Variants in GLIS1 observed in about 807,000 individuals in gnomAD.
GLIS1 encodes the protein zinc finger protein GLIS1.
Under a neutral mutation model 63.8 loss-of-function variants are expected in GLIS1, and 24 were observed. That is an observed-to-expected ratio of 0.38 (90% CI 0.27 to 0.53). The LOEUF (loss-of-function observed/expected upper bound fraction) is 0.53. Ranked by LOEUF, GLIS1 falls within the 20% of genes least tolerant of loss-of-function variation. The probability of loss-of-function intolerance (pLI) is 0.85; values close to 1 mark genes in which losing one functional copy is unlikely to be tolerated. For missense variants in GLIS1, 1,036 were observed against 1,074.1 expected, an observed-to-expected ratio of 0.96 and a Z score of 0.50; for synonymous variants, 450 against 482.5, an observed-to-expected ratio of 0.93 and a Z score of 0.88.
At chr1:53,725,466 G>A (rs892250246) in intron 2 of GLIS1, among the ~76,000 whole-genome samples, 1 of 152,186 alleles carries the variant, frequency 6.6e-6, no homozygotes, top group Non-Finnish European at 1.5e-5. Flanking sequence ...ACTGTCTGAG[G>A]TCATGAGGCT....
intron 2 of GLIS1, among the ~76,000 whole-genome samples, chr1:53,688,328 T>C (rs1453108226): frequency 6.6e-6 from 1 of 152,220 alleles, no homozygotes; most frequent in East Asian, 1.9e-4. Flanking sequence ...CTGAGCACTT[T>C]GCAGGGTAGA....
intron 2 of GLIS1, among the ~76,000 whole-genome samples, chr1:53,661,380 C>A (rs1360834456): frequency 6.6e-6 from 1 of 152,184 alleles, no homozygotes; most frequent in East Asian, 1.9e-4. Context: ...GGGCCCATCA[C>A]ACGGCTTATT....
Position 53,514,797 on chromosome 1 carries a change from C to T in GLIS1, c.1727-16G>A. ...GGATACACACCTGCAGGGAATCAAA[C>T]AAGGCTCACTGGACTCTGGCCACTC... On this transcript the variant is annotated splice_polypyrimidine_tract_variant and intron_variant, in intron 7 of 10. Transcript: ENST00000628545. The T allele has an allele frequency of 6.4e-7, 1 of 1,567,268 alleles. No individual in the cohort carries two copies.
chr1:53,534,275 C>T (rs1644560652), intron 4 of GLIS1, among the ~76,000 whole-genome samples: 1 of 152,016 alleles, frequency 6.6e-6, no homozygotes, highest in Non-Finnish European at 1.5e-5. Flanking sequence ...GAGGACTTAC[C>T]TTCAGGTAAT....
chr1:53,693,795 C>T (rs991461399), intron 2 of GLIS1, among the ~76,000 whole-genome samples: 1 of 152,218 alleles, frequency 6.6e-6, no homozygotes, highest in Non-Finnish European at 1.5e-5. Context: ...AGCCTCAGTG[C>T]CCCCACCTGG....
intron 4 of GLIS1, among the ~76,000 whole-genome samples, chr1:53,573,521 A>G (rs551854032): frequency 1.3e-5 from 2 of 152,332 alleles, no homozygotes; most frequent in African/African-American, 4.8e-5. Context: ...ACACACACAG[A>G]GATGTGCAGA....
chr1:53,730,110 G>A (rs561169898), intron 2 of GLIS1, among the ~76,000 whole-genome samples: 2 of 152,190 alleles, frequency 1.3e-5, no homozygotes, highest in Non-Finnish European at 2.9e-5. Context: ...CGAAAACGGT[G>A]TCAAAATCAG....
Position 53,589,420 on chromosome 1 carries a change from G to A in GLIS1, c.1320+4688C>T, listed in dbSNP as rs1005368836. ...TCAGGGGCTGGCGGAGGGGGGTAAAGGTTTGGGGCAAGGCAAAAGGGAAAG... is the reference window on the plus strand; with the variant it reads ...TCAGGGGCTGGCGGAGGGGGGTAAAAGTTTGGGGCAAGGCAAAAGGGAAAG... On this transcript the variant is annotated intron_variant, in intron 4 of 10. Transcript: ENST00000628545. Among the ~76,000 whole-genome samples the A allele has an allele frequency of 7.4e-4, 113 of 152,336 alleles. 1 individual carries two copies. The highest frequency in any genetic ancestry group is 2.7e-3 in the African/African-American group (112 of 41,584).
At chr1:53,524,733 C>A in intron 6 of GLIS1, 44 bp downstream of exon 6, 1 of 1,418,514 alleles carries the variant, frequency 7.0e-7, no homozygotes, top group Non-Finnish European at 9.9e-7. Flanking sequence ...GCGGTGCAGG[C>A]GGCTGCGAGG....
intron 2 of GLIS1, among the ~76,000 whole-genome samples, chr1:53,694,005 C>A (rs1000464903): frequency 6.6e-6 from 1 of 152,046 alleles, no homozygotes; most frequent in African/African-American, 2.4e-5. Flanking sequence ...ACTGGGCTCA[C>A]GAAGAGGAGG....
At chr1:53,622,777 C>T (rs59789334) in intron 2 of GLIS1, among the ~76,000 whole-genome samples, 6,059 of 152,252 alleles carry the variant, frequency 0.04, 269 homozygotes, top group African/African-American at 0.11. Context: ...AAGGCCCTGC[C>T]GACACCTTGA....
intron 2 of GLIS1, among the ~76,000 whole-genome samples, chr1:53,603,515 T>C (rs367956461): frequency 2.6e-5 from 4 of 152,204 alleles, no homozygotes; most frequent in African/African-American, 7.2e-5. Context: ...TCGCTACCCA[T>C]CACGGTCCCA....
At chr1:53,522,315 G>T (rs1415381387) in intron 6 of GLIS1, among the ~76,000 whole-genome samples, 1 of 152,256 alleles carries the variant, frequency 6.6e-6, no homozygotes, top group Non-Finnish European at 1.5e-5. Flanking sequence ...CTTATTGTTG[G>T]GAAGTTTGCA....
At position 53,714,223 on chromosome 1, in the gene GLIS1, T is replaced by C. The variant is rs531584978; in HGVS notation, c.259+23583A>G. ...CAACAAGTCATTCATCTTCTGAGTC[T>C]CAGCTCCTTCAGCTGCAAAATTACC... is the stretch of plus-strand genomic sequence containing the variant. On this transcript the variant is annotated intron_variant, in intron 2 of 10. Transcript: ENST00000628545. 5.9e-5 allele frequency among the ~76,000 whole-genome samples: 9 copies of C among 152,326 alleles called. No individual in the cohort carries two copies. In the South Asian group the frequency reaches 1.9e-3, roughly 32 times the overall value.
At chr1:53,601,495 T>A (rs891309332) in intron 2 of GLIS1, among the ~76,000 whole-genome samples, 1 of 152,096 alleles carries the variant, frequency 6.6e-6, no homozygotes, top group African/African-American at 2.4e-5. Context: ...CTCCTTACCA[T>A]GAGGAAAAGG....
chr1:53,568,490 T>A (rs541109096), intron 4 of GLIS1, among the ~76,000 whole-genome samples: 1 of 152,202 alleles, frequency 6.6e-6, no homozygotes, highest in South Asian at 2.1e-4. Flanking sequence ...TGGGAAGGCG[T>A]GATTGGTTTT....
intron 3 of GLIS1, among the ~76,000 whole-genome samples, chr1:53,595,278 A>T (rs1171643598): frequency 1.3e-5 from 2 of 152,128 alleles, no homozygotes. Flanking sequence ...GCACTTTGGG[A>T]AGGCAAGGCA....
intron 2 of GLIS1, among the ~76,000 whole-genome samples, chr1:53,638,694 C>T (rs1322391507): frequency 6.6e-6 from 1 of 152,188 alleles, no homozygotes; most frequent in Non-Finnish European, 1.5e-5. Context: ...GGCCAGCCTA[C>T]CTCCCTGTCA....
intron 4 of GLIS1, among the ~76,000 whole-genome samples, chr1:53,570,674 G>A (rs1199040455): frequency 2.0e-5 from 3 of 152,132 alleles, no homozygotes; most frequent in African/African-American, 7.2e-5. Flanking sequence ...TCTGATATAT[G>A]ACAGAGTGGC....
Sources: gnomAD v4.1 joint callset for allele counts (sites outside exome capture counted in the v4.1 genomes callset) on GRCh38, gnomAD v4.1.1 for gene constraint, MANE v1.5 for transcripts, NCBI Gene and HGNC (gene_info 2026-07-23, HGNC 2026-07-21) for gene names.